TRIM7: variants seen among roughly 807,000 people sequenced by gnomAD.
TRIM7 encodes E3 ubiquitin-protein ligase TRIM7.
In TRIM7, 32 loss-of-function variants were observed where a neutral mutation model predicts 37.9. That is an observed-to-expected ratio of 0.84 (90% CI 0.64 to 1.13). The LOEUF is 1.13. Ranked by LOEUF, TRIM7 falls within the 50% of genes most tolerant of loss-of-function variation. The pLI, the probability that TRIM7 is intolerant of heterozygous loss-of-function variation, is 0.00. For missense variants in TRIM7, 732 were observed against 714.0 expected, an observed-to-expected ratio of 1.03 and a Z score of -0.29; for synonymous variants, 351 against 321.3, an observed-to-expected ratio of 1.09 and a Z score of -0.99.
rs749338467 is a variant in TRIM7 at position 181,204,609 on chromosome 5, C to A, written c.502G>T (p.Glu168Ter). ...HREHAVLPLD[E>*]AVQEAKELLE... ...CTCACCTTGGCCTCCTGCACCGCCTCGTCCAGCGGCAGCACGGCGTGCTCG... is the reference window on the plus strand; with the variant it reads ...CTCACCTTGGCCTCCTGCACCGCCTAGTCCAGCGGCAGCACGGCGTGCTCG... The change falls in exon 1 of 7, where the codon GAG becomes TAG. Residue 168 changes from glutamate to a stop codon, truncating the protein, a stop_gained. Coordinates refer to ENST00000274773, the MANE Select transcript of TRIM7 (RefSeq NM_203293.3). LOFTEE classifies it high-confidence loss of function. 1.4e-6 allele frequency: 2 copies of A among 1,453,898 alleles called. No homozygotes were observed. Among genetic ancestry groups the A allele is most frequent in the Admixed American group, 2.6e-5 (1 of 38,954 alleles). 90.1% of individuals were successfully genotyped at this position (1,453,898 alleles called of 1,614,324 possible).
At position 181,204,830 on chromosome 5, in the gene TRIM7, C is replaced by T. The variant is rs1481899911; in HGVS notation, c.281G>A (p.Arg94Gln). 3.6e-6 allele frequency: 5 copies of T among 1,373,080 alleles called. No individual in the cohort carries two copies. Among genetic ancestry groups the T allele is most frequent in the Non-Finnish European group, 4.7e-6 (5 of 1,071,608 alleles). The allele number at this position is 1,373,080 out of a possible 1,614,324, so 85.1% of individuals were successfully genotyped here. A position where few individuals can be genotyped will look rare whatever the true frequency, so the allele number is the denominator to read the frequency against. The change falls in exon 1 of 7, where the codon CGG becomes CAG. Residue 94 changes from arginine (R) to glutamine (Q), a missense_variant. Coordinates refer to ENST00000274773, the MANE Select transcript of TRIM7 (RefSeq NM_203293.3). ...GAGCGTGGCCACTGCCGCCAGCTGC[C>T]GGTTGGGCCGCAGCTGACTGGGGCG... ...PARPSQLRPNRQLAAVATLLR... is the reference protein window; with the variant it reads ...PARPSQLRPNQQLAAVATLLR...
intron 6 of TRIM7, chr5:181,196,136 C>T (rs1276902918): frequency 1.3e-5 from 2 of 155,532 alleles, no homozygotes; most frequent in African/African-American, 2.4e-5. Flanking sequence ...AATTCCAGCA[C>T]TTTGGGAGGC....
Position 181,198,219 on chromosome 5 carries a change from C to CT in TRIM7, c.989-2dup. 2 of 1,614,176 alleles carry CT rather than the reference C, an allele frequency of 1.2e-6. No individual in the cohort carries two copies. The highest frequency in any genetic ancestry group is 2.7e-5 in the African/African-American group (2 of 75,054). ...TTCTCCAGCTCTCCCCGAAGGTCCT[C>CT]TGAGGAGGAGAAACAAAGCAAGGCG... On this transcript the variant is annotated splice_acceptor_variant, in intron 5 of 6. Transcript: ENST00000274773. LOFTEE classifies it high-confidence loss of function.
intron 6 of TRIM7, 68 bp from the exon 7 acceptor site, chr5:181,195,745 C>T (rs972480228): frequency 1.3e-6 from 2 of 1,491,090 alleles, no homozygotes; most frequent in Non-Finnish European, 1.8e-6. Flanking sequence ...TGCAGGGCCG[C>T]GCCCGACCTT....
intron 2 of TRIM7, chr5:181,203,291 C>A: frequency 1.5e-6 from 2 of 1,312,716 alleles, no homozygotes; most frequent in Non-Finnish European, 1.9e-6. Flanking sequence ...ACTGAGCGTC[C>A]TGATTCGCTG....
chr5:181,195,803 G>C (rs1030988205), intron 6 of TRIM7, 126 bp from the exon 7 acceptor site: 143 of 1,296,264 alleles, frequency 1.1e-4, no homozygotes, highest in Non-Finnish European at 1.4e-4. Context: ...CCAGCACCCA[G>C]CGCCAAGGCC....
chr5:181,195,124 C>T lies in TRIM7; in HGVS notation c.*42G>A, dbSNP rs775471919. ...CATCTCTGGGGAGGCGACATCCCCT[C>T]CCACCGGCAGCCCAGAGACAGGAGC... On this transcript the variant is annotated 3_prime_UTR_variant, in exon 7 of 7. Coordinates refer to ENST00000274773, the MANE Select transcript of TRIM7 (RefSeq NM_203293.3). The T allele has an allele frequency of 9.0e-6, 14 of 1,552,442 alleles. No individual in the cohort carries two copies. The highest frequency in any genetic ancestry group is 1.2e-5 in the South Asian group (1 of 81,402).
At position 181,194,061 on chromosome 5, in the gene TRIM7, G is replaced by A. The variant is rs1168317071; in HGVS notation, c.*1105C>T. 4 of 152,336 alleles carry A rather than the reference G, an allele frequency of 2.6e-5. No homozygotes were observed. The highest frequency in any genetic ancestry group is 5.9e-5 in the Non-Finnish European group (4 of 68,104). 9.4% of individuals were successfully genotyped at this position (152,336 alleles called of 1,614,324 possible). ...GAGAACAAGTAGACAAGGGGCTGAG[G>A]CTGGCCAGGGGAATGCCCTCCAGGG... On this transcript the variant is annotated 3_prime_UTR_variant, in exon 7 of 7. Coordinates refer to ENST00000274773, the MANE Select transcript of TRIM7 (RefSeq NM_203293.3).
Position 181,204,737 on chromosome 5 carries a change from G to GC in TRIM7, c.373dup (p.Ala125GlyfsTer68). ...ATGCTGCCCGCAGCGGGCAGCCGCT[G>GC]CCCGGGCCGCGGCCGCCTGAGACCC... On this transcript the variant is annotated frameshift_variant, in exon 1 of 7. Coordinates refer to ENST00000274773, the MANE Select transcript of TRIM7 (RefSeq NM_203293.3). LOFTEE classifies it high-confidence loss of function. 6.8e-7 allele frequency: 1 copy of GC among 1,464,248 alleles called. No individual in the cohort carries two copies. Among genetic ancestry groups the GC allele is most frequent in the South Asian group, 1.3e-5 (1 of 75,944 alleles). 90.7% of individuals were successfully genotyped at this position (1,464,248 alleles called of 1,614,324 possible). A position where few individuals can be genotyped will look rare whatever the true frequency, so the allele number is the denominator to read the frequency against.
chr5:181,204,771 C>T lies in TRIM7; in HGVS notation c.340G>A (p.Gly114Arg). Reference sequence around the variant, plus strand: ...GCGGCCGCCTGAGACCCGTGCTCTCCCGGGGCAGCCGCGGGCAGGCTGAAG... The same window carrying T: ...GCGGCCGCCTGAGACCCGTGCTCTCTCGGGGCAGCCGCGGGCAGGCTGAAG... ...RRFSLPAAAPGEHGSQAAAAR... is the reference protein window; with the variant it reads ...RRFSLPAAAPREHGSQAAAAR... Residue 114 changes from glycine to arginine, a missense_variant, in exon 1 of 7, where the codon GGA (glycine) becomes AGA (arginine). Physicochemically the swap from Gly to Arg is moderately radical, Grantham distance 125 (BLOSUM62 -2). Transcript: ENST00000274773. 1 of 1,435,972 alleles carries T rather than the reference C, an allele frequency of 7.0e-7. No homozygotes were observed. The allele number at this position is 1,435,972 out of a possible 1,614,324, so 89.0% of individuals were successfully genotyped here.
intron 5 of TRIM7, 182 bp from the exon 6 acceptor site, chr5:181,198,400 T>G (rs542890755): frequency 1.5e-6 from 1 of 686,386 alleles, no homozygotes; most frequent in African/African-American, 1.8e-5. Flanking sequence ...TACCCAAGCA[T>G]TCTAGCTCTA....
chr5:181,195,457 G>A lies in TRIM7; in HGVS notation c.1245C>T (p.Arg415=), dbSNP rs1004738544. ...SKDGWAFGVA[R]ESVRRKGLTP... The stretch of plus-strand genomic sequence containing the variant: ...TCAGGCCCTTTCGGCGCACGCTCTC[G>A]CGGGCCACGCCAAAGGCCCAGCCGT... Residue 415 remains arginine (R), a synonymous_variant, in exon 7 of 7, where the codon CGC becomes CGT. Coordinates refer to ENST00000274773, the MANE Select transcript of TRIM7 (RefSeq NM_203293.3). 1 of 1,611,046 alleles carries A rather than the reference G, an allele frequency of 6.2e-7. No individual in the cohort carries two copies. The highest frequency in any genetic ancestry group is 1.3e-5 in the African/African-American group (1 of 74,890).
chr5:181,205,076 G>C lies in TRIM7; in HGVS notation c.35C>G (p.Thr12Ser). The change falls in exon 1 of 7, where the codon ACC becomes AGC. Residue 12 changes from threonine (T) to serine (S), a missense_variant. Transcript: ENST00000274773. ...CGCCAGCGCTAGAGCCTCGGCGCCG[G>C]TTCCGGGGCCGGTCCGCGGTCCCAC... is the stretch of plus-strand genomic sequence containing the variant. ...AAVGPRTGPG[T>S]GAEALALAAE... The C allele has an allele frequency of 7.3e-7, 1 of 1,366,920 alleles. No homozygotes were observed. Among genetic ancestry groups the C allele is most frequent in the Non-Finnish European group, 9.4e-7 (1 of 1,063,206 alleles). The allele number at this position is 1,366,920 out of a possible 1,614,324, so 84.7% of individuals were successfully genotyped here.
rs781642744 is a variant in TRIM7, at chr5:181,204,650, C to T, written c.461G>A (p.Arg154His). The change falls in exon 1 of 7, where the codon CGC becomes CAC. Residue 154 changes from arginine (R) to histidine (H), a missense_variant. Physicochemically the swap from Arg to His is conservative, Grantham distance 29. Coordinates refer to ENST00000274773, the MANE Select transcript of TRIM7 (RefSeq NM_203293.3). ...DGRAICVVCD[R>H]AREHREHAVL... ...GGCGTGCTCGCGGTGCTCGCGGGCG[C>T]GGTCGCACACCACGCAGATGGCGCG... The T allele has an allele frequency of 1.5e-4, 222 of 1,499,652 alleles. 1 individual carries two copies. The highest frequency in any genetic ancestry group is 1.9e-4 in the Non-Finnish European group (214 of 1,136,332). 92.9% of individuals were successfully genotyped at this position (1,499,652 alleles called of 1,614,324 possible).
At position 181,195,437 on chromosome 5, in the gene TRIM7, C is replaced by T. The variant is rs1757040474; in HGVS notation, c.1265G>A (p.Gly422Asp). The T allele has an allele frequency of 6.2e-7, 1 of 1,607,362 alleles. No homozygotes were observed. Among genetic ancestry groups the T allele is most frequent in the Non-Finnish European group, 8.5e-7 (1 of 1,177,390 alleles). Residue 422 changes from glycine to aspartate, a missense_variant, in exon 7 of 7, where the codon GGC becomes GAC. By Grantham distance (94) the Gly-to-Asp change is moderately conservative. Coordinates refer to ENST00000274773, the MANE Select transcript of TRIM7 (RefSeq NM_203293.3). ...CTCCTCGGGAGTGAAGGGCGTCAGG[C>T]CCTTTCGGCGCACGCTCTCGCGGGC... is the stretch of plus-strand genomic sequence containing the variant. ...GVARESVRRKGLTPFTPEEGV... is the reference protein window; with the variant it reads ...GVARESVRRKDLTPFTPEEGV...
At chr5:181,201,191 G>T (rs956879315) in intron 2 of TRIM7, among the ~76,000 whole-genome samples, 1 of 152,166 alleles carries the variant, frequency 6.6e-6, no homozygotes, top group African/African-American at 2.4e-5. Context: ...GGTTGTAGGG[G>T]GCTGCCCTGT....
intron 2 of TRIM7, among the ~76,000 whole-genome samples, chr5:181,202,041 G>A (rs1417431080): frequency 1.3e-5 from 2 of 152,180 alleles, no homozygotes; most frequent in African/African-American, 4.8e-5. Context: ...AGATATAGTT[G>A]AGGGTCTGGA....
intron 6 of TRIM7, chr5:181,197,221 A>G (rs1757184350): frequency 6.6e-6 from 1 of 151,982 alleles, no homozygotes; most frequent in South Asian, 2.1e-4. Context: ...TGGGGGTACC[A>G]CAGAGTATCA....
intron 1 of TRIM7, chr5:181,204,260 A>T: frequency 9.5e-7 from 1 of 1,056,504 alleles, no homozygotes. Context: ...CCGCGGGCAG[A>T]GAGCTGCGGA....
Sources: allele counts gnomAD v4.1 joint callset (sites outside exome capture counted in the v4.1 genomes callset), GRCh38; gene constraint gnomAD v4.1.1; transcripts MANE v1.5; gene names NCBI Gene and HGNC (gene_info 2026-07-23, HGNC 2026-07-21).